The following SYNE1 variants were observed in gnomAD, a reference collection of about 807,000 sequenced individuals.
SYNE1 encodes spectrin repeat containing nuclear envelope protein 1.
SYNE1 carries 616 observed loss-of-function variants against 1,111.0 expected under a neutral mutation model. The observed-to-expected ratio is 0.55, with a 90% confidence interval of 0.52 to 0.59. The LOEUF is 0.59. Ranked by LOEUF, SYNE1 falls within the 20% of genes least tolerant of loss-of-function variation. SYNE1 has a pLI of 0.00. For synonymous variants in SYNE1, 3,855 were observed against 3,825.8 expected (o/e 1.01, Z -0.28); for missense variants, 10,006 against 10,417.0 (o/e 0.96, Z 1.72).
chr6:152,201,739 C>G, intron 127 of SYNE1, 85 bp downstream of exon 127: 1 of 1,601,668 alleles, frequency 6.2e-7, no homozygotes, highest in Non-Finnish European at 8.6e-7. Context: ...TGTAGATAAC[C>G]TAAGAGTTTG....
chr6:152,401,203 T>C lies in SYNE1; in HGVS notation c.6964A>G (p.Lys2322Glu), dbSNP rs535968233. 6.2e-7 allele frequency: 1 copy of C among 1,614,162 alleles called. No individual in the cohort carries two copies. Among genetic ancestry groups the C allele is most frequent in the Admixed American group, 1.7e-5 (1 of 60,022 alleles). Residue 2322 changes from lysine to glutamate, a missense_variant, in exon 47 of 146, where the codon AAA becomes GAA. Around this residue, in one of 7 missense-constraint regions of SYNE1, gnomAD observed 4,955 missense variants for 5,017.2 expected, o/e 0.99. Coordinates refer to ENST00000367255, the MANE Select transcript of SYNE1 (RefSeq NM_182961.4). ...FINDITTWFTKVEESLMNCAQ... is the reference protein window; with the variant it reads ...FINDITTWFTEVEESLMNCAQ... ...CAGTTCATCAACGATTCTTCCACTT[T>C]TGTGAACCATGTTGTTATGTCATTA...
At chr6:152,298,425 C>T (rs759119005) in intron 93 of SYNE1, among the ~76,000 whole-genome samples, 2 of 152,130 alleles carry the variant, frequency 1.3e-5, no homozygotes, top group Non-Finnish European at 2.9e-5. Context: ...AGGAATGCCT[C>T]GGTATTTCTA....
At chr6:152,559,505 A>G (rs2099387602) in intron 3 of SYNE1, among the ~76,000 whole-genome samples, 1 of 152,206 alleles carries the variant, frequency 6.6e-6, no homozygotes, top group African/African-American at 2.4e-5. Flanking sequence ...AAAATTCTCA[A>G]ATATGTGGAA....
chr6:152,404,399 G>T (rs1057287362), intron 45 of SYNE1, 85 bp from the exon 46 acceptor site: 2 of 1,039,108 alleles, frequency 1.9e-6, no homozygotes, highest in Non-Finnish European at 3.0e-6. Context: ...AGCTAACTTT[G>T]TCGAAATACC....
Position 152,447,903 on chromosome 6 carries a change from A to C in SYNE1, c.3505-281T>G, listed in dbSNP as rs79189504. Among the ~76,000 whole-genome samples, 2,153 of 152,336 alleles carry C rather than the reference A, an allele frequency of 0.014. 50 individuals are homozygous for C. Among genetic ancestry groups the C allele is most frequent in the African/African-American group, 0.049 (2,046 of 41,578 alleles). On this transcript the variant is annotated intron_variant, in intron 28 of 145. Coordinates refer to ENST00000367255, the MANE Select transcript of SYNE1 (RefSeq NM_182961.4). ...TGATGGGAAAAAAGATGATTCTAAA[A>C]ATACTGTAGAAAAATATGAGACGCC...
At chr6:152,571,712 C>T (rs1013352234) in intron 3 of SYNE1, among the ~76,000 whole-genome samples, 1 of 152,044 alleles carries the variant, frequency 6.6e-6, no homozygotes, top group African/African-American at 2.4e-5. Context: ...TTTATTATGG[C>T]TGTATCTGTA....
chr6:152,492,079 C>T (rs1416983199), intron 11 of SYNE1, among the ~76,000 whole-genome samples: 3 of 152,208 alleles, frequency 2.0e-5, no homozygotes, highest in Non-Finnish European at 4.4e-5. Flanking sequence ...TCTCTCAAAT[C>T]AGTTAGTGTT....
chr6:152,239,814 T>A, intron 107 of SYNE1, 108 bp from the exon 108 acceptor site: 1 of 1,204,074 alleles, frequency 8.3e-7, no homozygotes, highest in South Asian at 1.3e-5. Flanking sequence ...ATCCCAACAG[T>A]TGGGGAGGCT....
At chr6:152,352,516 C>A (rs2096759697) in intron 69 of SYNE1, among the ~76,000 whole-genome samples, 163 bp from the exon 70 acceptor site, 1 of 151,958 alleles carries the variant, frequency 6.6e-6, no homozygotes, top group African/African-American at 2.4e-5. Context: ...GATTCTCCTG[C>A]CTCAGCCTCC....
At chr6:152,361,459 G>C (rs1162277457) in intron 64 of SYNE1, among the ~76,000 whole-genome samples, 1 of 152,234 alleles carries the variant, frequency 6.6e-6, no homozygotes, top group Non-Finnish European at 1.5e-5. Context: ...GGATGGATCA[G>C]TAGGACCTAG....
At chr6:152,513,484 C>T (rs2099096048) in intron 6 of SYNE1, among the ~76,000 whole-genome samples, 1 of 152,088 alleles carries the variant, frequency 6.6e-6, no homozygotes, top group Non-Finnish European at 1.5e-5. Context: ...CAGGCATGCG[C>T]CACCACACCC....
At position 152,325,221 on chromosome 6, in the gene SYNE1, T is replaced by C; in HGVS notation, c.15520A>G (p.Asn5174Asp). The C allele has an allele frequency of 6.2e-7, 1 of 1,614,196 alleles. No individual in the cohort carries two copies. The highest frequency in any genetic ancestry group is 1.3e-5 in the African/African-American group (1 of 75,052). The stretch of plus-strand genomic sequence containing the variant: ...CTCAGGGTGGCTTTGCTGGCATCAT[T>C]TCCGGTTTTCTCCAGTTGTGAAGCT... Reference protein sequence around the residue: ...EKASQLEKTGNDASKATLSRS... With the variant: ...EKASQLEKTGDDASKATLSRS... Residue 5174 changes from asparagine (N) to aspartate (D), a missense_variant, in exon 81 of 146, where the codon AAT becomes GAT. Physicochemically the swap from Asn to Asp is conservative, Grantham distance 23. This residue lies in a region of SYNE1 where 4,955 missense variants were observed against 5,017.2 expected (regional missense o/e 0.99). Coordinates refer to ENST00000367255, the MANE Select transcript of SYNE1 (RefSeq NM_182961.4).
At chr6:152,589,261 A>G (rs1481261058) in intron 3 of SYNE1, among the ~76,000 whole-genome samples, 1 of 152,130 alleles carries the variant, frequency 6.6e-6, no homozygotes, top group Admixed American at 6.5e-5. Context: ...TTTGTTAGCC[A>G]TTTCATGGGA....
chr6:152,169,627 CAAAAAAAAAAAA>C (rs58087660), intron 130 of SYNE1, among the ~76,000 whole-genome samples: 34 of 71,438 alleles, frequency 4.8e-4, no homozygotes, highest in African/African-American at 1.8e-3. Context: ...CACCTCATCT[CAAAAAAAAAAAA>C]AAAAAAAAAT....
chr6:152,401,328 T>C lies in SYNE1; in HGVS notation c.6839A>G (p.Asp2280Gly), dbSNP rs2097813121. Residue 2280 changes from aspartate (D) to glycine (G), a missense_variant, in exon 47 of 146, where the codon GAC becomes GGC. Physicochemically the swap from Asp to Gly is moderately conservative, Grantham distance 94 (BLOSUM62 -1). Around this residue, in one of 7 missense-constraint regions of SYNE1, gnomAD observed 4,955 missense variants for 5,017.2 expected, o/e 0.99. Coordinates refer to ENST00000367255, the MANE Select transcript of SYNE1 (RefSeq NM_182961.4). The stretch of plus-strand genomic sequence containing the variant: ...GGCATGCTCCAGTTTCTGCATTAAG[T>C]CTGCTTCTATAAACTAAATATCAAG... Reference protein sequence around the residue: ...TPPDLQFIEADLMQKLEHAKE... With the variant: ...TPPDLQFIEAGLMQKLEHAKE... 3 of 1,613,646 alleles carry C rather than the reference T, an allele frequency of 1.9e-6. No individual in the cohort carries two copies. The African/African-American group carries it at 4.0e-5, about 22-fold the overall frequency.
At chr6:152,569,367 T>TGTGAA (rs1343740062) in intron 3 of SYNE1, among the ~76,000 whole-genome samples, 3 of 152,334 alleles carry the variant, frequency 2.0e-5, no homozygotes, top group East Asian at 3.9e-4. Flanking sequence ...TTTCCTCATC[T>TGTGAA]GTGAAATGGA....
intron 3 of SYNE1, among the ~76,000 whole-genome samples, chr6:152,559,614 T>G (rs2128215100): frequency 6.6e-6 from 1 of 152,170 alleles, no homozygotes; most frequent in East Asian, 1.9e-4. Flanking sequence ...CTACAAAAAC[T>G]TAGGAGATGC....
intron 3 of SYNE1, among the ~76,000 whole-genome samples, chr6:152,593,421 A>G (rs1437217800): frequency 1.3e-5 from 2 of 152,156 alleles, no homozygotes; most frequent in Non-Finnish European, 2.9e-5. Flanking sequence ...CATCTCAACT[A>G]AAACTACAAA....
At chr6:152,339,711 C>T (rs2096490223) in intron 74 of SYNE1, among the ~76,000 whole-genome samples, 2 of 152,194 alleles carry the variant, frequency 1.3e-5, no homozygotes, top group Non-Finnish European at 1.5e-5. Flanking sequence ...CGCTGTCCTG[C>T]CTCTTAACAT....
Sources: allele counts gnomAD v4.1 joint callset (sites outside exome capture counted in the v4.1 genomes callset), GRCh38; gene constraint gnomAD v4.1.1; regional missense constraint gnomAD v4.1.1; transcripts MANE v1.5; gene names NCBI Gene and HGNC (gene_info 2026-07-23, HGNC 2026-07-21).